Variants in BNC2 observed in about 807,000 individuals in gnomAD.
BNC2 encodes the protein basonuclin zinc finger protein 2.
A neutral mutation model predicts 76.3 loss-of-function variants in BNC2; 20 were observed. The observed-to-expected ratio is 0.26, with a 90% CI of 0.18 to 0.38. BNC2 has a LOEUF of 0.38. BNC2 is among the 10% of genes least tolerant of loss of function. The pLI is 1.00. For synonymous variants in BNC2, 582 were observed against 514.8 expected, an observed-to-expected ratio of 1.13 and a Z score of -1.77; for missense variants, 1,382 against 1,399.8, an observed-to-expected ratio of 0.99 and a Z score of 0.20.
intron 3 of BNC2, among the ~76,000 whole-genome samples, chr9:16,587,364 C>T (rs116804674): frequency 6.6e-6 from 1 of 152,050 alleles, no homozygotes. Flanking sequence ...CAGGCGTGCA[C>T]CATCACGTTG....
intron 5 of BNC2, among the ~76,000 whole-genome samples, chr9:16,511,263 C>A (rs1257835786): frequency 6.6e-6 from 1 of 151,690 alleles, no homozygotes; most frequent in South Asian, 2.1e-4. Flanking sequence ...GCACCTGACA[C>A]CATGTCTGGC....
rs372342400 is a variant in BNC2 at position 16,790,817 on chromosome 9, CTTTT to C, written c.4-52336_4-52333del. Among the ~76,000 whole-genome samples, 598 of 128,826 alleles carry C rather than the reference CTTTT, an allele frequency of 4.6e-3. 4 individuals carry two copies. Among genetic ancestry groups the C allele is most frequent in the African/African-American group, 0.016 (568 of 34,558 alleles). 84.5% of individuals were successfully genotyped at this position (128,826 alleles called of 152,430 possible). A position where few individuals can be genotyped will look rare whatever the true frequency, so the allele number is the denominator to read the frequency against. ...GCTGAGTTGACATTCCCTTGGTAAGCTTTTTTTTTTTTTTTTTTTAAGAATGCTG... is the reference window on the plus strand; with the variant it reads ...GCTGAGTTGACATTCCCTTGGTAAGCTTTTTTTTTTTTTTTAAGAATGCTG... On this transcript the variant is annotated intron_variant, in intron 1 of 6. Transcript: ENST00000380672.
chr9:16,798,585 T>C (rs1817709709), intron 1 of BNC2, among the ~76,000 whole-genome samples: 2 of 152,164 alleles, frequency 1.3e-5, no homozygotes, highest in African/African-American at 4.8e-5. Flanking sequence ...GGTAGTATCT[T>C]ATGATTTAAA....
chr9:16,561,824 T>G lies in BNC2; in HGVS notation c.434-9059A>C, dbSNP rs554140692. Among the ~76,000 whole-genome samples the G allele has an allele frequency of 3.6e-3, 554 of 152,106 alleles. 3 individuals are homozygous for G. The highest frequency in any genetic ancestry group is 0.012 in the African/African-American group (518 of 41,500). On this transcript the variant is annotated intron_variant, in intron 4 of 6. Coordinates refer to ENST00000380672, the MANE Select transcript of BNC2 (RefSeq NM_017637.6). ...TTCGACACCAGCCTGGGCAACGTGGTGAAACCCCATCTCTACAAAAAATAC... is the reference window on the plus strand; with the variant it reads ...TTCGACACCAGCCTGGGCAACGTGGGGAAACCCCATCTCTACAAAAAATAC...
At chr9:16,519,917 G>A (rs985343830) in intron 5 of BNC2, among the ~76,000 whole-genome samples, 8 of 152,260 alleles carry the variant, frequency 5.3e-5, no homozygotes, top group Non-Finnish European at 7.4e-5. Flanking sequence ...CCATACCCAC[G>A]AGACAGTCAA....
intron 1 of BNC2, among the ~76,000 whole-genome samples, chr9:16,831,775 C>T (rs1818583541): frequency 2.0e-5 from 3 of 152,146 alleles, no homozygotes; most frequent in Admixed American, 2.0e-4. Context: ...GTTATGGTTC[C>T]TCAAGCCACC....
intron 1 of BNC2, among the ~76,000 whole-genome samples, chr9:16,766,727 A>G (rs1825705424): frequency 1.3e-5 from 2 of 152,230 alleles, no homozygotes; most frequent in South Asian, 4.1e-4. Context: ...TCTGGGCTAC[A>G]GGTCCTGTTG....
intron 1 of BNC2, among the ~76,000 whole-genome samples, chr9:16,769,697 T>A (rs933007078): frequency 6.6e-6 from 1 of 152,196 alleles, no homozygotes; most frequent in African/African-American, 2.4e-5. Context: ...AGTCTCCAAG[T>A]CGCCAGCTTA....
At chr9:16,744,933 T>C (rs1311713306) in intron 1 of BNC2, among the ~76,000 whole-genome samples, 1 of 152,198 alleles carries the variant, frequency 6.6e-6, no homozygotes, top group Non-Finnish European at 1.5e-5. Flanking sequence ...GTTATTTACA[T>C]TTTGTGTGTG....
intron 3 of BNC2, among the ~76,000 whole-genome samples, chr9:16,718,467 G>C (rs1175816672): frequency 1.3e-5 from 2 of 152,204 alleles, no homozygotes; most frequent in African/African-American, 4.8e-5. Context: ...TTCCAAAGTT[G>C]TCCAAGAGAA....
chr9:16,469,595 T>G (rs999346626), intron 5 of BNC2, among the ~76,000 whole-genome samples: 1 of 152,120 alleles, frequency 6.6e-6, no homozygotes, highest in African/African-American at 2.4e-5. Context: ...TTGGTACCAG[T>G]AGAGTGGGGC....
intron 3 of BNC2, among the ~76,000 whole-genome samples, chr9:16,675,050 C>G (rs564303256): frequency 2.6e-5 from 4 of 152,182 alleles, no homozygotes; most frequent in Admixed American, 2.6e-4. Context: ...TTCTTAGCAT[C>G]AAGCTAGCAC....
At chr9:16,786,525 C>A (rs1204683752) in intron 1 of BNC2, among the ~76,000 whole-genome samples, 1 of 152,128 alleles carries the variant, frequency 6.6e-6, no homozygotes, top group East Asian at 1.9e-4. Context: ...ATTACTTTAT[C>A]CCCCAAACTG....
At chr9:16,569,380 G>T (rs1173292772) in intron 4 of BNC2, among the ~76,000 whole-genome samples, 1 of 152,016 alleles carries the variant, frequency 6.6e-6, no homozygotes, top group Non-Finnish European at 1.5e-5. Flanking sequence ...ATCAACCTCA[G>T]TTGACATGTA....
At chr9:16,634,088 C>T (rs185545913) in intron 3 of BNC2, among the ~76,000 whole-genome samples, 91 of 152,318 alleles carry the variant, frequency 6.0e-4, no homozygotes, top group Admixed American at 2.7e-3. Flanking sequence ...TCTAAACAAA[C>T]TGTTCCACAA....
intron 3 of BNC2, among the ~76,000 whole-genome samples, chr9:16,594,640 A>T (rs1820017175): frequency 6.6e-6 from 1 of 152,202 alleles, no homozygotes; most frequent in African/African-American, 2.4e-5. Flanking sequence ...CTGTAAGACT[A>T]ATAATATCCC....
chr9:16,582,461 T>C (rs1245093730), intron 4 of BNC2, among the ~76,000 whole-genome samples: 1 of 152,054 alleles, frequency 6.6e-6, no homozygotes, highest in East Asian at 1.9e-4. Context: ...AAAGGGAGTA[T>C]TTACAGGTTA....
chr9:16,490,776 T>G (rs186958766), intron 5 of BNC2, among the ~76,000 whole-genome samples: 58 of 152,254 alleles, frequency 3.8e-4, no homozygotes, highest in Non-Finnish European at 6.9e-4. Context: ...GAGTCCCAAC[T>G]TTCAAAGGGG....
intron 3 of BNC2, among the ~76,000 whole-genome samples, 156 bp from the exon 4 acceptor site, chr9:16,583,241 C>T (rs1014536000): frequency 6.6e-6 from 1 of 152,026 alleles, no homozygotes; most frequent in Non-Finnish European, 1.5e-5. Flanking sequence ...TCACCAAAAT[C>T]TCTTATTAAA....
Sources: allele counts gnomAD v4.1 joint callset (sites outside exome capture counted in the v4.1 genomes callset), GRCh38; gene constraint gnomAD v4.1.1; transcripts MANE v1.5; gene names NCBI Gene and HGNC (gene_info 2026-07-23, HGNC 2026-07-21).